MTSS1: variants seen among roughly 807,000 people sequenced by gnomAD.
MTSS1 encodes the protein protein MTSS 1.
A neutral mutation model predicts 79.0 loss-of-function variants in MTSS1; 18 were observed. The ratio of observed to expected loss-of-function variants is 0.23; its 90% CI spans 0.16 to 0.34. The LOEUF (loss-of-function observed/expected upper bound fraction) is 0.34. Ranked by LOEUF, MTSS1 falls within the 10% of genes least tolerant of loss-of-function variation. The pLI, the probability that MTSS1 is intolerant of heterozygous loss-of-function variation, is 1.00. For synonymous variants in MTSS1, 341 were observed against 368.6 expected, an observed-to-expected ratio of 0.93 and a Z score of 0.86; for missense variants, 815 against 986.2, an observed-to-expected ratio of 0.83 and a Z score of 2.33.
chr8:124,580,282 C>G (rs1415457658), intron 6 of MTSS1: 8 of 403,660 alleles, frequency 2.0e-5, no homozygotes, highest in African/African-American at 1.2e-4. Flanking sequence ...TTCTTTTTTC[C>G]ATGAGTCTAA....
intron 3 of MTSS1, among the ~76,000 whole-genome samples, chr8:124,639,598 G>C (rs1294424338): frequency 6.6e-6 from 1 of 151,944 alleles, no homozygotes; most frequent in Admixed American, 6.6e-5. Context: ...GGAGTAGCTG[G>C]GATTACAGGC....
At chr8:124,674,729 T>C (rs773162799) in intron 3 of MTSS1, among the ~76,000 whole-genome samples, 41 of 152,218 alleles carry the variant, frequency 2.7e-4, no homozygotes, top group Non-Finnish European at 5.3e-4. Flanking sequence ...CCTCTTATCA[T>C]TCTTTTTTTT....
rs182089627 is a variant in MTSS1 at position 124,703,419 on chromosome 8, A to G, written c.134+711T>C. ...GCGATTCTCCTGTCTCAGCCTCCCA[A>G]GTAGCTGGGATTACAGGCACTCGTC... On this transcript the variant is annotated intron_variant, in intron 2 of 13. Transcript: ENST00000518547. 7.9e-5 allele frequency among the ~76,000 whole-genome samples: 12 copies of G among 152,232 alleles called. No homozygotes were observed. In the East Asian group the frequency reaches 1.9e-3, roughly 24 times the overall value.
chr8:124,610,337 A>T (rs1419271124), intron 3 of MTSS1, among the ~76,000 whole-genome samples: 1 of 152,142 alleles, frequency 6.6e-6, no homozygotes, highest in African/African-American at 2.4e-5. Flanking sequence ...CTCAAGACAT[A>T]TTTTTTTAGA....
intron 3 of MTSS1, among the ~76,000 whole-genome samples, chr8:124,666,905 G>C (rs536119845): frequency 6.6e-6 from 1 of 152,132 alleles, no homozygotes; most frequent in Admixed American, 6.5e-5. Context: ...GAGAGGAGGA[G>C]GTCAATGGAG....
rs764014111 is a variant in MTSS1 at position 124,553,347 on chromosome 8, T to A, written c.1913A>T (p.Glu638Val). The A allele has an allele frequency of 6.2e-7, 1 of 1,612,972 alleles. No homozygotes were observed. Among genetic ancestry groups the A allele is most frequent in the Non-Finnish European group, 8.5e-7 (1 of 1,179,068 alleles). ...CTCAGGGCTGTGCTCCCCCCGCTCT[T>A]CTGGCCCATCTGGAGGGGCTGGCAA... ...GVLPAPPDGPEERGEHSPESP... is the reference protein window; with the variant it reads ...GVLPAPPDGPVERGEHSPESP... The change falls in exon 14 of 14, where the codon GAA (glutamate) becomes GTA (valine). Residue 638 changes from glutamate to valine, a missense_variant. Transcript: ENST00000518547. The surrounding 1 kb of genome is among the most constrained non-coding windows in gnomAD (Gnocchi z 6.0).
rs981543420 is a variant in MTSS1 at position 124,553,093 on chromosome 8, T to G, written c.2167A>C (p.Arg723=). ...ATGTCTTCTCCTTGTGGAGTATCCC[T>G]TGGGCTCAGGTCTGCAGGGTCACTC... ...PESDPADLSP[R]DTPQGEDMLN... is the part of the protein sequence containing the mutation. The change falls in exon 14 of 14, where the codon AGG becomes CGG. Residue 723 remains arginine (R), a synonymous_variant. Coordinates refer to ENST00000518547, the MANE Select transcript of MTSS1 (RefSeq NM_014751.6). The surrounding 1 kb of genome is among the most constrained non-coding windows in gnomAD (Gnocchi z 6.0). 6.2e-7 allele frequency: 1 copy of G among 1,614,014 alleles called. No homozygotes were observed. Among genetic ancestry groups the G allele is most frequent in the South Asian group, 1.1e-5 (1 of 91,088 alleles).
intron 6 of MTSS1, among the ~76,000 whole-genome samples, chr8:124,577,352 C>G (rs530691303): frequency 6.6e-6 from 1 of 152,194 alleles, no homozygotes; most frequent in Non-Finnish European, 1.5e-5. Context: ...CAGGTTTAAG[C>G]GATTCTTCTG....
intron 10 of MTSS1, chr8:124,558,939 C>A: frequency 7.3e-7 from 1 of 1,372,906 alleles, no homozygotes. Flanking sequence ...GGGAAGGGCA[C>A]ACACAGAGAG....
intron 2 of MTSS1, among the ~76,000 whole-genome samples, chr8:124,702,920 G>T (rs569825601): frequency 7.2e-5 from 11 of 152,260 alleles, no homozygotes; most frequent in African/African-American, 2.6e-4. Context: ...AGATGCCAAC[G>T]TATTTTCTAT....
chr8:124,625,711 T>A (rs1406791662), intron 3 of MTSS1, among the ~76,000 whole-genome samples: 2 of 152,204 alleles, frequency 1.3e-5, no homozygotes, highest in Non-Finnish European at 2.9e-5. Context: ...GGCTTAAATG[T>A]TCCAGCTGCA....
At chr8:124,608,664 G>A (rs1243720964) in intron 3 of MTSS1, among the ~76,000 whole-genome samples, 1 of 152,146 alleles carries the variant, frequency 6.6e-6, no homozygotes, top group East Asian at 1.9e-4. Context: ...TACTTTTTTA[G>A]AATGAGCTCT....
At chr8:124,667,470 C>T (rs1399534361) in intron 3 of MTSS1, among the ~76,000 whole-genome samples, 2 of 151,882 alleles carry the variant, frequency 1.3e-5, no homozygotes, top group East Asian at 1.9e-4. Context: ...CATGGATAAA[C>T]CCCATCTCTA....
intron 3 of MTSS1, among the ~76,000 whole-genome samples, chr8:124,615,683 C>T (rs16893079): frequency 0.022 from 3,307 of 152,244 alleles, 167 homozygotes; most frequent in East Asian, 0.14. Context: ...ATGATTAAGA[C>T]GGTATATGTT....
At chr8:124,561,685 T>G (rs531740957) in intron 10 of MTSS1, among the ~76,000 whole-genome samples, 12 of 152,184 alleles carry the variant, frequency 7.9e-5, no homozygotes, top group African/African-American at 2.6e-4. Flanking sequence ...TGCTGCACAC[T>G]AGAACAGCCC....
At chr8:124,660,297 A>C (rs1821758999) in intron 3 of MTSS1, among the ~76,000 whole-genome samples, 1 of 152,162 alleles carries the variant, frequency 6.6e-6, no homozygotes, top group Non-Finnish European at 1.5e-5. Context: ...TGTGCCACAG[A>C]AACAGGGGCC....
chr8:124,649,887 A>G (rs1309963987), intron 3 of MTSS1, among the ~76,000 whole-genome samples: 1 of 151,942 alleles, frequency 6.6e-6, no homozygotes, highest in East Asian at 1.9e-4. Flanking sequence ...AGCCTCCTAG[A>G]TATGGAAAAG....
At chr8:124,629,505 CAAAAAAAAAAA>C (rs982816199) in intron 3 of MTSS1, among the ~76,000 whole-genome samples, 2 of 62,216 alleles carry the variant, frequency 3.2e-5, no homozygotes, top group South Asian at 6.1e-4. Context: ...GACTCCGTCT[CAAAAAAAAAAA>C]AAAAAAAAAA....
In MTSS1 at chr8:124,557,749, G is replaced by A. The variant is rs1468211134; in HGVS notation, c.1162C>T (p.Pro388Ser). The A allele has an allele frequency of 3.1e-6, 5 of 1,604,448 alleles. No individual in the cohort carries two copies. The Admixed American group carries it at 6.8e-5, about 22-fold the overall frequency. ...ATGGTGTAATAATGAGCGTAGTCTG[G>A]AAGGTGGACAGAGGTGACCCGAGGG... Reference protein sequence around the residue: ...LLPRVTSVHLPDYAHYYTIGP... With the variant: ...LLPRVTSVHLSDYAHYYTIGP... Residue 388 changes from proline to serine, a missense_variant, in exon 11 of 14, where the codon CCA (proline) becomes TCA (serine). By Grantham distance (74) the Pro-to-Ser change is moderately conservative (BLOSUM62 -1). Around this residue, in one of 2 missense-constraint regions of MTSS1, gnomAD observed 590 missense variants for 620.8 expected, o/e 0.95. Transcript: ENST00000518547.
Sources: allele counts gnomAD v4.1 joint callset (sites outside exome capture counted in the v4.1 genomes callset), GRCh38; gene constraint gnomAD v4.1.1; regional missense constraint gnomAD v4.1.1; non-coding constraint Gnocchi (gnomAD v3.1); transcripts MANE v1.5; gene names NCBI Gene and HGNC (gene_info 2026-07-23, HGNC 2026-07-21).